DIP2C: variants seen among roughly 807,000 people sequenced by gnomAD.
DIP2C encodes disco-interacting protein 2 homolog C.
DIP2C carries 33 observed loss-of-function variants against 192.4 expected under a neutral mutation model. The ratio of observed to expected loss-of-function variants is 0.17; its 90% CI spans 0.13 to 0.23. DIP2C has a LOEUF of 0.23. Among genes scored for constraint, DIP2C ranks in the 10% least tolerant of loss-of-function variants. DIP2C has a pLI of 1.00. For missense variants in DIP2C, 1,537 were observed against 2,110.1 expected (o/e 0.73, Z 5.32); for synonymous variants, 979 against 864.1 (o/e 1.13, Z -2.33).
chr10:414,731 G>C (rs1157208727), intron 7 of DIP2C, among the ~76,000 whole-genome samples: 1 of 63,822 alleles, frequency 1.6e-5, no homozygotes, highest in Non-Finnish European at 3.1e-5. Context: ...GTGTGTGTGT[G>C]TGTGTGTGTA....
intron 1 of DIP2C, among the ~76,000 whole-genome samples, chr10:684,477 G>A (rs67589257): frequency 0.16 from 23,905 of 152,112 alleles, 4,164 homozygotes; most frequent in African/African-American, 0.43. Flanking sequence ...GCTTTCCCAC[G>A]TTTGTTTTTT....
chr10:429,881 A>G (rs1966840435), intron 4 of DIP2C, among the ~76,000 whole-genome samples: 1 of 152,040 alleles, frequency 6.6e-6, no homozygotes. Flanking sequence ...TAAGTTTTCA[A>G]CTCCTTTGAG....
intron 9 of DIP2C, among the ~76,000 whole-genome samples, chr10:401,218 G>A (rs1202065307): frequency 2.6e-5 from 4 of 151,398 alleles, no homozygotes; most frequent in African/African-American, 9.7e-5. Flanking sequence ...TCTTCCTTAT[G>A]GACAAGTTTG....
At chr10:364,671 T>G (rs866882192) in intron 19 of DIP2C, 89 bp from the exon 20 acceptor site, 1 of 1,406,892 alleles carries the variant, frequency 7.1e-7, no homozygotes, top group Middle Eastern at 1.9e-4. Context: ...GGCACCTGCT[T>G]TGCTTAAGCT....
At position 331,067 on chromosome 10, in the gene DIP2C, T is replaced by C. The variant is rs532318763; in HGVS notation, c.3585-1466A>G. Reference sequence around the variant, plus strand: ...CTGGCTTCAAGTACTCCTCCTATCTTAGCCTCCCAAAGTGCTAGGATTATA... The same window carrying C: ...CTGGCTTCAAGTACTCCTCCTATCTCAGCCTCCCAAAGTGCTAGGATTATA... On this transcript the variant is annotated intron_variant, in intron 29 of 36. Transcript: ENST00000280886. 2.0e-5 allele frequency among the ~76,000 whole-genome samples: 3 copies of C among 151,532 alleles called. No homozygotes were observed. The South Asian group carries it at 6.3e-4, about 32-fold the overall frequency.
intron 29 of DIP2C, among the ~76,000 whole-genome samples, chr10:336,699 G>A (rs1488343760): frequency 1.3e-5 from 2 of 152,226 alleles, no homozygotes; most frequent in Non-Finnish European, 2.9e-5. Flanking sequence ...GGGTCTTCCA[G>A]GAGAAGGTAT....
chr10:579,914 C>T (rs1013699358), intron 1 of DIP2C, among the ~76,000 whole-genome samples: 5 of 151,880 alleles, frequency 3.3e-5, no homozygotes, highest in South Asian at 2.1e-4. Context: ...TATATGCATA[C>T]AATGTACATA....
intron 1 of DIP2C, among the ~76,000 whole-genome samples, chr10:620,947 A>G (rs1323227776): frequency 6.6e-6 from 1 of 152,226 alleles, no homozygotes; most frequent in East Asian, 1.9e-4. Flanking sequence ...ATGTGGGAAG[A>G]TTATTCCAGT....
chr10:430,690 C>G (rs1164173127), intron 4 of DIP2C, among the ~76,000 whole-genome samples: 1 of 152,184 alleles, frequency 6.6e-6, no homozygotes, highest in East Asian at 1.9e-4. Flanking sequence ...TGGAGTCCAG[C>G]TTATCAATTA....
At chr10:325,560 A>C (rs1187324986) in intron 31 of DIP2C, among the ~76,000 whole-genome samples, 1 of 152,220 alleles carries the variant, frequency 6.6e-6, no homozygotes, top group Non-Finnish European at 1.5e-5. Flanking sequence ...TGGTGGATGG[A>C]GACAAGTGAG....
At chr10:517,067 G>A (rs572432099) in intron 1 of DIP2C, among the ~76,000 whole-genome samples, 1 of 151,828 alleles carries the variant, frequency 6.6e-6, no homozygotes, top group South Asian at 2.1e-4. Context: ...CAGGTCTAGT[G>A]GCACAGTCAA....
intron 1 of DIP2C, among the ~76,000 whole-genome samples, chr10:653,522 C>G (rs893196209): frequency 2.6e-5 from 4 of 152,218 alleles, no homozygotes; most frequent in African/African-American, 7.2e-5. Context: ...GGCAACGAAG[C>G]TGGCAATATA....
At chr10:439,089 G>A (rs1008000947) in intron 4 of DIP2C, among the ~76,000 whole-genome samples, 17 of 152,240 alleles carry the variant, frequency 1.1e-4, no homozygotes, top group Non-Finnish European at 2.5e-4. Flanking sequence ...CAAGCCATAC[G>A]CCTGCCCTGG....
rs751316405 is a variant in DIP2C, at chr10:413,922, G to A, written c.1048C>T (p.Leu350Phe). The change falls in exon 8 of 37, where the codon CTC becomes TTC. Residue 350 changes from leucine (L) to phenylalanine (F), a missense_variant. Leu to Phe is a conservative substitution (Grantham distance 22). Coordinates refer to ENST00000280886, the MANE Select transcript of DIP2C (RefSeq NM_014974.3). The stretch of plus-strand genomic sequence containing the variant: ...TGAGCCTGGGGATTACCGTAAGTGA[G>A]GATGTAGAGGGGCTTCCCGTTGGTG... ...MDTNGKPLYI[L>F]TYGKLWTRSM... 3.1e-6 allele frequency: 5 copies of A among 1,613,882 alleles called. No homozygotes were observed. In the South Asian group the frequency reaches 5.5e-5, roughly 18 times the overall value.
At chr10:439,194 C>G (rs1385803693) in intron 4 of DIP2C, among the ~76,000 whole-genome samples, 1 of 152,074 alleles carries the variant, frequency 6.6e-6, no homozygotes, top group Non-Finnish European at 1.5e-5. Context: ...AAGGAGGAGC[C>G]CAAGGGAGCA....
chr10:544,589 CCAA>C (rs1848181000), intron 1 of DIP2C, among the ~76,000 whole-genome samples: 1 of 152,180 alleles, frequency 6.6e-6, no homozygotes, highest in South Asian at 2.1e-4. Context: ...CCCATCTTCA[CCAA>C]CATGTCACCG....
chr10:497,317 C>A (rs1055439899), intron 1 of DIP2C, among the ~76,000 whole-genome samples: 5 of 152,114 alleles, frequency 3.3e-5, no homozygotes, highest in African/African-American at 1.2e-4. Flanking sequence ...GCTATAGAAC[C>A]CACGAATATG....
At chr10:655,533 A>G (rs897304188) in intron 1 of DIP2C, among the ~76,000 whole-genome samples, 1 of 151,938 alleles carries the variant, frequency 6.6e-6, no homozygotes, top group African/African-American at 2.4e-5. Context: ...GTGCTATGCG[A>G]CTCTGCTATT....
chr10:583,179 A>G (rs1223605558), intron 1 of DIP2C, among the ~76,000 whole-genome samples: 1 of 152,260 alleles, frequency 6.6e-6, no homozygotes, highest in African/African-American at 2.4e-5. Flanking sequence ...ACTCATAGGA[A>G]AAAGAACGTT....
Sources: gnomAD v4.1 joint callset for allele counts (sites outside exome capture counted in the v4.1 genomes callset) on GRCh38, gnomAD v4.1.1 for gene constraint, MANE v1.5 for transcripts, NCBI Gene and HGNC (gene_info 2026-07-23, HGNC 2026-07-21) for gene names.